The following SRPK2 variants were observed in gnomAD, a reference collection of about 807,000 sequenced individuals.
The protein encoded by SRPK2 is SFRS protein kinase 2.
A neutral mutation model predicts 90.8 loss-of-function variants in SRPK2; 21 were observed. The ratio of observed to expected loss-of-function variants is 0.23; its 90% CI spans 0.16 to 0.33. SRPK2 has a LOEUF of 0.33. Ranked by LOEUF, SRPK2 falls within the 10% of genes least tolerant of loss-of-function variation. The probability of loss-of-function intolerance (pLI) is 1.00; values close to 1 mark genes in which losing one functional copy is unlikely to be tolerated. For synonymous variants in SRPK2, 288 were observed against 311.1 expected (o/e 0.93, Z 0.78); for missense variants, 620 against 869.0 (o/e 0.71, Z 3.60).
rs568282327 is a variant in SRPK2, at chr7:105,274,516, C to T, written c.72-70731G>A. 5.3e-5 allele frequency among the ~76,000 whole-genome samples: 8 copies of T among 150,422 alleles called. No individual in the cohort carries two copies. In the East Asian group the frequency reaches 1.6e-3, roughly 29 times the overall value. Reference sequence around the variant, plus strand: ...GCTGCAGGTTGCAGTGAGCCGAGATCACACCACTGCACTCCAAGCTGGGAG... The same window carrying T: ...GCTGCAGGTTGCAGTGAGCCGAGATTACACCACTGCACTCCAAGCTGGGAG... On this transcript the variant is annotated intron_variant, in intron 2 of 15. Transcript: ENST00000393651.
At chr7:105,362,411 T>C (rs539741474) in intron 2 of SRPK2, among the ~76,000 whole-genome samples, 45 of 151,006 alleles carry the variant, frequency 3.0e-4, no homozygotes, top group East Asian at 1.4e-3. Flanking sequence ...ATGGAGACCA[T>C]CCTGGCTAAC....
intron 2 of SRPK2, among the ~76,000 whole-genome samples, chr7:105,343,326 CAGGAAGCTG>C (rs1816045729): frequency 3.9e-5 from 6 of 152,046 alleles, no homozygotes; most frequent in Admixed American, 2.6e-4. Flanking sequence ...CCCAGCTATA[CAGGAAGCTG>C]AGGTGGGGGG....
chr7:105,297,403 A>C, intron 2 of SRPK2: 1 of 939,516 alleles, frequency 1.1e-6, no homozygotes. Context: ...TTTCACTATA[A>C]ATTGTACTTA....
chr7:105,243,450 T>C (rs1002335244), intron 2 of SRPK2, among the ~76,000 whole-genome samples: 2 of 152,056 alleles, frequency 1.3e-5, no homozygotes, highest in African/African-American at 4.8e-5. Flanking sequence ...TGCAGACAGA[T>C]CACCTGAGGT....
At chr7:105,222,875 T>C (rs1465627000) in intron 2 of SRPK2, among the ~76,000 whole-genome samples, 1 of 152,184 alleles carries the variant, frequency 6.6e-6, no homozygotes, top group Non-Finnish European at 1.5e-5. Flanking sequence ...AATTTATAAT[T>C]TTACTGATGA....
chr7:105,362,516 CAAAA>C (rs1204929885), intron 2 of SRPK2, among the ~76,000 whole-genome samples: 1 of 58,074 alleles, frequency 1.7e-5, no homozygotes, highest in Non-Finnish European at 3.8e-5. Context: ...GACTCTGTCT[CAAAA>C]AAAAAAAAAA....
At position 105,307,633 on chromosome 7, in the gene SRPK2, GTTAAAAAATATTAGTAAA is replaced by G. The variant is rs904983824; in HGVS notation, c.71+80997_71+81014del. 9.7e-4 allele frequency among the ~76,000 whole-genome samples: 147 copies of G among 152,300 alleles called. 1 individual carries two copies. The highest frequency in any genetic ancestry group is 3.3e-3 in the African/African-American group (139 of 41,582). On this transcript the variant is annotated intron_variant, in intron 2 of 15. Transcript: ENST00000393651. Reference sequence around the variant, plus strand: ...ATCCTGACTACAATGCCCCACAGCTGTTAAAAAATATTAGTAAATATGACTTCCTACAGAATCCAGGTA... The same window carrying G: ...ATCCTGACTACAATGCCCCACAGCTGTATGACTTCCTACAGAATCCAGGTA...
At chr7:105,161,790 A>G (rs1160036919) in intron 6 of SRPK2, among the ~76,000 whole-genome samples, 5 of 152,258 alleles carry the variant, frequency 3.3e-5, no homozygotes, top group Non-Finnish European at 7.3e-5. Context: ...TTTTCCTTGA[A>G]TAATATCTTA....
chr7:105,303,442 C>T (rs1379144376), intron 2 of SRPK2, among the ~76,000 whole-genome samples: 2 of 151,148 alleles, frequency 1.3e-5, no homozygotes, highest in African/African-American at 4.9e-5. Flanking sequence ...TGCACATGTA[C>T]CCTAGAACTT....
chr7:105,243,652 C>G (rs1300405172), intron 2 of SRPK2, among the ~76,000 whole-genome samples: 1 of 99,842 alleles, frequency 1.0e-5, no homozygotes, highest in South Asian at 3.6e-4. Context: ...AAAAAAAAAC[C>G]ACATGCCAAG....
intron 2 of SRPK2, among the ~76,000 whole-genome samples, chr7:105,317,239 G>T (rs1585679123): frequency 1.3e-5 from 2 of 152,324 alleles, no homozygotes; most frequent in South Asian, 4.1e-4. Flanking sequence ...ACAAATCAAT[G>T]TGGTGGCCCC....
chr7:105,334,110 T>G (rs887096421), intron 2 of SRPK2, among the ~76,000 whole-genome samples: 1 of 151,868 alleles, frequency 6.6e-6, no homozygotes, highest in Non-Finnish European at 1.5e-5. Context: ...TGAGACAGAG[T>G]CTCACTCTGT....
chr7:105,347,882 C>T (rs1052270264), intron 2 of SRPK2, among the ~76,000 whole-genome samples: 1 of 151,144 alleles, frequency 6.6e-6, no homozygotes, highest in East Asian at 1.9e-4. Flanking sequence ...GAAAGAAAAG[C>T]GGTAGCTTGC....
chr7:105,183,582 G>A (rs938826076), intron 3 of SRPK2, among the ~76,000 whole-genome samples: 1 of 152,168 alleles, frequency 6.6e-6, no homozygotes, highest in African/African-American at 2.4e-5. Context: ...CACCTCCTAG[G>A]TTCAAGCCAT....
chr7:105,184,142 ATT>A (rs561123151), intron 3 of SRPK2, among the ~76,000 whole-genome samples: 1 of 150,864 alleles, frequency 6.6e-6, no homozygotes, highest in African/African-American at 2.4e-5. Flanking sequence ...CACCTGGCTA[ATT>A]TTTTTTGTAT....
chr7:105,155,729 TG>T (rs1806398431), intron 7 of SRPK2, among the ~76,000 whole-genome samples: 1 of 152,098 alleles, frequency 6.6e-6, no homozygotes, highest in South Asian at 2.1e-4. Flanking sequence ...GTCACAATGG[TG>T]GGATTTTCGT....
At chr7:105,183,974 A>ATTT (rs57622134) in intron 3 of SRPK2, among the ~76,000 whole-genome samples, 1,677 of 116,184 alleles carry the variant, frequency 0.014, 96 homozygotes, top group African/African-American at 0.044. Flanking sequence ...ACTATTACCA[A>ATTT]TTTTTTTTTT....
intron 1 of SRPK2, among the ~76,000 whole-genome samples, chr7:105,398,289 T>C (rs931385172): frequency 9.2e-5 from 14 of 152,134 alleles, no homozygotes; most frequent in African/African-American, 2.9e-4. Flanking sequence ...TGTTGCATCT[T>C]AGAAGGTGTA....
chr7:105,233,144 GAA>G (rs1799715392), intron 2 of SRPK2, among the ~76,000 whole-genome samples: 2 of 146,022 alleles, frequency 1.4e-5, no homozygotes, highest in African/African-American at 5.1e-5. Context: ...AGGAAGGAAG[GAA>G]GGAAGGGGAA....
Sources: gnomAD v4.1 joint callset for allele counts (sites outside exome capture counted in the v4.1 genomes callset) on GRCh38, gnomAD v4.1.1 for gene constraint, MANE v1.5 for transcripts, NCBI Gene and HGNC (gene_info 2026-07-23, HGNC 2026-07-21) for gene names.